Variants in STARD9 observed in about 807,000 individuals in gnomAD.
STARD9 encodes stAR-related lipid transfer protein 9.
STARD9 carries 346 observed loss-of-function variants against 399.8 expected under a neutral mutation model. That is an observed-to-expected ratio of 0.87 (90% CI 0.79 to 0.95). The LOEUF (loss-of-function observed/expected upper bound fraction) is 0.95. Among genes scored for constraint, STARD9 ranks in the 40% least tolerant of loss-of-function variants. The pLI, the probability that STARD9 is intolerant of heterozygous loss-of-function variation, is 0.00. For synonymous variants in STARD9, 2,203 were observed against 2,143.5 expected, an observed-to-expected ratio of 1.03 and a Z score of -0.77; for missense variants, 5,832 against 5,667.5, an observed-to-expected ratio of 1.03 and a Z score of -0.93.
intron 4 of STARD9, among the ~76,000 whole-genome samples, chr15:42,636,976 A>T (rs2059431035): frequency 6.6e-6 from 1 of 151,736 alleles, no homozygotes; most frequent in Non-Finnish European, 1.5e-5. Flanking sequence ...AGGCAGGAGA[A>T]TTCCTTGAAC....
chr15:42,623,888 T>A (rs2141864343), intron 3 of STARD9, among the ~76,000 whole-genome samples: 1 of 152,368 alleles, frequency 6.6e-6, no homozygotes, highest in South Asian at 2.1e-4. Context: ...ATCTGCAATT[T>A]ATCAGGGATA....
chr15:42,585,727 A>G (rs964417651), intron 3 of STARD9, 90 bp downstream of exon 3: 5 of 801,044 alleles, frequency 6.2e-6, no homozygotes, highest in Non-Finnish European at 8.0e-6. Context: ...TTGCAAGGTT[A>G]GTATAGCACA....
intron 3 of STARD9, among the ~76,000 whole-genome samples, chr15:42,606,284 G>A (rs2058720747): frequency 2.0e-5 from 3 of 152,132 alleles, no homozygotes; most frequent in Admixed American, 1.3e-4. Flanking sequence ...CTCCTTCTCT[G>A]TGCTAACCTC....
chr15:42,643,319 C>T (rs1018138350), intron 7 of STARD9, among the ~76,000 whole-genome samples: 1 of 151,958 alleles, frequency 6.6e-6, no homozygotes, highest in South Asian at 2.1e-4. Context: ...GCCTCAGCCT[C>T]CTGAGTAGCT....
In STARD9 at chr15:42,685,121, T is replaced by C. The variant is rs536364283; in HGVS notation, c.3543T>C (p.Ala1181=). Residue 1181 remains alanine (A), a synonymous_variant, in exon 23 of 33, where the codon GCT becomes GCC. Transcript: ENST00000290607. ...GCCAACCCAGGACCAGAACTAGAGC[T>C]TCTGTGAGGGGCTTCACTGCAGCCT... The part of the protein sequence containing the change: ...NRGQPRTRTR[A]SVRGFTAASD... 2.4e-4 allele frequency: 372 copies of C among 1,537,114 alleles called. 1 individual carries two copies. The highest frequency in any genetic ancestry group is 3.1e-4 in the Non-Finnish European group (352 of 1,146,934).
intron 3 of STARD9, among the ~76,000 whole-genome samples, chr15:42,614,736 G>A (rs901006898): frequency 1.3e-5 from 2 of 152,226 alleles, no homozygotes; most frequent in Non-Finnish European, 2.9e-5. Context: ...GGAGGCCGAG[G>A]TGGGCAGATC....
In STARD9 at chr15:42,689,096, GA is replaced by G. The variant is rs891050925; in HGVS notation, c.7520del (p.Lys2507ArgfsTer11). 4 of 1,537,324 alleles carry G rather than the reference GA, an allele frequency of 2.6e-6. No homozygotes were observed. In the Admixed American group the frequency reaches 7.8e-5, roughly 30 times the overall value. On this transcript the variant is annotated frameshift_variant, in exon 23 of 33. Coordinates refer to ENST00000290607, the MANE Select transcript of STARD9 (RefSeq NM_020759.3). LOFTEE classifies it high-confidence loss of function. ...DSDQASKPRQ[K>X]AEKETEDVGL... ...GTGACCAAGCCAGCAAGCCAAGGCA[GA>G]AGGCAGAGAAGGAGACTGAGGACGT...
At chr15:42,581,600 G>C (rs917895636) in intron 1 of STARD9, 3 of 727,354 alleles carry the variant, frequency 4.1e-6, no homozygotes, top group African/African-American at 1.8e-5. Flanking sequence ...CTCCTCGCTC[G>C]CTTCCTCTAG....
In STARD9 at chr15:42,691,081, C is replaced by G. The variant is rs979707352; in HGVS notation, c.9503C>G (p.Thr3168Ser). Residue 3168 changes from threonine (T) to serine (S), a missense_variant, in exon 23 of 33, where the codon ACT (threonine) becomes AGT (serine). Physicochemically the swap from Thr to Ser is moderately conservative, Grantham distance 58. Coordinates refer to ENST00000290607, the MANE Select transcript of STARD9 (RefSeq NM_020759.3). The part of the protein sequence containing the change: ...EPQHECLENT[T>S]RCFLEKPQFS... ...CAGCATGAATGTTTAGAAAATACCA[C>G]TAGATGTTTTTTGGAAAAGCCACAA... 9.1e-6 allele frequency: 14 copies of G among 1,537,232 alleles called. No individual in the cohort carries two copies. Among genetic ancestry groups the G allele is most frequent in the Non-Finnish European group, 1.2e-5 (14 of 1,146,914 alleles).
rs2061357657 is a variant in STARD9 at position 42,716,723 on chromosome 15, A to G, written c.13331A>G (p.Glu4444Gly). The G allele has an allele frequency of 6.5e-7, 1 of 1,537,000 alleles. No homozygotes were observed. The highest frequency in any genetic ancestry group is 8.7e-7 in the Non-Finnish European group (1 of 1,146,808). ...PDSRDVWIGD[E>G]RGGHSAVRKN... ...TCCAGGGATGTATGGATAGGGGATG[A>G]GCGAGGAGGCCATTCTGCAGTGAGG... Residue 4444 changes from glutamate to glycine, a missense_variant, in exon 27 of 33, where the codon GAG becomes GGG. By Grantham distance (98) the Glu-to-Gly change is moderately conservative (BLOSUM62 -2). Transcript: ENST00000290607.
At chr15:42,702,037 C>G (rs1015356693) in intron 26 of STARD9, among the ~76,000 whole-genome samples, 5 of 150,398 alleles carry the variant, frequency 3.3e-5, no homozygotes, top group Admixed American at 2.0e-4. Context: ...TGACCATGAC[C>G]TGATGGGAGG....
intron 3 of STARD9, among the ~76,000 whole-genome samples, chr15:42,601,820 A>G (rs574776806): frequency 1.9e-4 from 29 of 152,308 alleles, no homozygotes; most frequent in African/African-American, 5.8e-4. Context: ...ATTTTGCTCT[A>G]TGGACTCTAG....
chr15:42,633,706 C>T (rs7342639), intron 3 of STARD9, among the ~76,000 whole-genome samples: 2,132 of 150,434 alleles, frequency 0.014, 68 homozygotes, highest in African/African-American at 0.05. Flanking sequence ...GGCAGTGGCA[C>T]GATCTCAGCT....
intron 7 of STARD9, among the ~76,000 whole-genome samples, chr15:42,647,833 A>G (rs2059674944): frequency 6.6e-6 from 1 of 152,146 alleles, no homozygotes; most frequent in South Asian, 2.1e-4. Flanking sequence ...TTGGTTTGAT[A>G]ACTTTAAAAA....
chr15:42,585,993 C>T (rs1003522310), intron 3 of STARD9, among the ~76,000 whole-genome samples: 2 of 152,114 alleles, frequency 1.3e-5, no homozygotes, highest in African/African-American at 4.8e-5. Context: ...ATACTTTTGT[C>T]TGAAACTAAT....
At chr15:42,604,269 TA>T (rs1481038876) in intron 3 of STARD9, among the ~76,000 whole-genome samples, 1 of 152,248 alleles carries the variant, frequency 6.6e-6, no homozygotes, top group Admixed American at 6.5e-5. Context: ...ACGCTTCTCT[TA>T]CCTGTCTCTT....
chr15:42,695,572 G>A (rs1175079720), intron 25 of STARD9, among the ~76,000 whole-genome samples, 171 bp from the exon 26 acceptor site: 1 of 152,208 alleles, frequency 6.6e-6, no homozygotes, highest in Admixed American at 6.5e-5. Flanking sequence ...ACGAGCAGTG[G>A]TGGCTTTAAG....
Position 42,691,972 on chromosome 15 carries a change from A to C in STARD9, c.10394A>C (p.Asp3465Ala). 6.5e-7 allele frequency: 1 copy of C among 1,537,270 alleles called. No individual in the cohort carries two copies. The highest frequency in any genetic ancestry group is 8.7e-7 in the Non-Finnish European group (1 of 1,146,906). The change falls in exon 23 of 33, where the codon GAC (aspartate) becomes GCC (alanine). Residue 3465 changes from aspartate to alanine, a missense_variant. Asp to Ala is a moderately radical substitution (Grantham distance 126). Coordinates refer to ENST00000290607, the MANE Select transcript of STARD9 (RefSeq NM_020759.3). ...DKGMLHFGSSDISPYALPWRP... is the reference protein window; with the variant it reads ...DKGMLHFGSSAISPYALPWRP... ...GGAATGCTGCACTTTGGCTCCAGTG[A>C]CATCAGTCCCTATGCGCTGCCGTGG...
At chr15:42,679,668 A>G (rs1377118702) in intron 20 of STARD9, among the ~76,000 whole-genome samples, 1 of 152,220 alleles carries the variant, frequency 6.6e-6, no homozygotes, top group African/African-American at 2.4e-5. Flanking sequence ...AAGGCCAGAT[A>G]GTATTTTAGG....
Sources: gnomAD v4.1 joint callset for allele counts (sites outside exome capture counted in the v4.1 genomes callset) on GRCh38, gnomAD v4.1.1 for gene constraint, MANE v1.5 for transcripts, NCBI Gene and HGNC (gene_info 2026-07-23, HGNC 2026-07-21) for gene names.